DCLK1: variants seen among roughly 807,000 people sequenced by gnomAD.
DCLK1 encodes doublecortin like kinase 1, also known as serine/threonine-protein kinase DCLK1.
DCLK1 carries 16 observed loss-of-function variants against 86.2 expected under a neutral mutation model. The observed-to-expected ratio is 0.19, with a 90% CI of 0.13 to 0.28. The LOEUF (loss-of-function observed/expected upper bound fraction) is 0.28. DCLK1 is among the 10% of genes least tolerant of loss of function. The pLI is 1.00. For missense variants in DCLK1, 590 were observed against 940.2 expected, an observed-to-expected ratio of 0.63 and a Z score of 4.87; for synonymous variants, 369 against 370.5, an observed-to-expected ratio of 1.00 and a Z score of 0.05.
At chr13:35,899,056 T>TAA (rs1874182378) in intron 4 of DCLK1, among the ~76,000 whole-genome samples, 1 of 152,114 alleles carries the variant, frequency 6.6e-6, no homozygotes, top group African/African-American at 2.4e-5. Context: ...TTTGATTCCT[T>TAA]AAGTGATAAG....
chr13:35,958,139 C>CACCACT lies in DCLK1; in HGVS notation c.724-10683_724-10682insAGTGGT, dbSNP rs1593768047. Among the ~76,000 whole-genome samples the CACCACT allele has an allele frequency of 5.6e-5, 8 of 142,094 alleles. 1 individual carries two copies. The highest frequency in any genetic ancestry group is 2.3e-4 in the East Asian group (1 of 4,404). 93.2% of individuals were successfully genotyped at this position (142,094 alleles called of 152,430 possible). On this transcript the variant is annotated intron_variant, in intron 3 of 16. Transcript: ENST00000360631. The stretch of plus-strand genomic sequence containing the variant: ...CCACCACCACTACCACTACTATAAC[C>CACCACT]ACCACCACCACCACTATAACCATCA...
At chr13:36,105,021 CAATT>C (rs1339724523) in intron 3 of DCLK1, among the ~76,000 whole-genome samples, 1 of 152,074 alleles carries the variant, frequency 6.6e-6, no homozygotes, top group Non-Finnish European at 1.5e-5. Flanking sequence ...CATATTTTGT[CAATT>C]AATTATCACC....
intron 4 of DCLK1, among the ~76,000 whole-genome samples, chr13:35,945,991 A>C (rs58985284): frequency 0.073 from 11,119 of 152,168 alleles, 458 homozygotes; most frequent in African/African-American, 0.11. Flanking sequence ...AATTTTAAAA[A>C]TTCTTATCCC....
At chr13:35,847,021 C>T in intron 6 of DCLK1, 2 of 985,106 alleles carry the variant, frequency 2.0e-6, no homozygotes, top group Non-Finnish European at 1.2e-6. Context: ...GCAACTGTAT[C>T]AATGTTTCAT....
intron 3 of DCLK1, among the ~76,000 whole-genome samples, chr13:36,002,280 A>G (rs1458499925): frequency 2.0e-5 from 3 of 152,232 alleles, no homozygotes; most frequent in African/African-American, 7.2e-5. Context: ...CCACATTTTA[A>G]AAGTGTTCTG....
intron 4 of DCLK1, among the ~76,000 whole-genome samples, chr13:35,942,849 G>GC (rs1451330779): frequency 3.9e-5 from 6 of 152,186 alleles, no homozygotes; most frequent in African/African-American, 1.4e-4. Context: ...ATGAGGGGCA[G>GC]CCACAGCTCT....
At chr13:35,894,241 A>G (rs1186543025) in intron 4 of DCLK1, among the ~76,000 whole-genome samples, 1 of 152,156 alleles carries the variant, frequency 6.6e-6, no homozygotes, top group African/African-American at 2.4e-5. Flanking sequence ...GCATGACCTT[A>G]CTATTTAATG....
chr13:36,054,560 A>C (rs962066740), intron 3 of DCLK1, among the ~76,000 whole-genome samples: 2 of 152,118 alleles, frequency 1.3e-5, no homozygotes, highest in African/African-American at 4.8e-5. Flanking sequence ...AACCAACCAA[A>C]CAAACAGACA....
At chr13:35,947,203 A>C (rs1187765330) in intron 4 of DCLK1, among the ~76,000 whole-genome samples, 155 bp downstream of exon 4, 1 of 152,228 alleles carries the variant, frequency 6.6e-6, no homozygotes, top group East Asian at 1.9e-4. Context: ...ATTTAAAAAA[A>C]AAATCAAAGA....
chr13:35,867,949 G>GAAAGAAAGAAAGAAAGAAAGAAA lies in DCLK1; in HGVS notation c.940+3274_940+3275insTTTCTTTCTTTCTTTCTTTCTTT, dbSNP rs1478938539. Among the ~76,000 whole-genome samples, 979 of 140,736 alleles carry GAAAGAAAGAAAGAAAGAAAGAAA rather than the reference G, an allele frequency of 7.0e-3. 21 individuals are homozygous for GAAAGAAAGAAAGAAAGAAAGAAA. Among genetic ancestry groups the GAAAGAAAGAAAGAAAGAAAGAAA allele is most frequent in the African/African-American group, 0.025 (930 of 37,298 alleles). 92.3% of individuals were successfully genotyped at this position (140,736 alleles called of 152,430 possible). A position where few individuals can be genotyped will look rare whatever the true frequency, so the allele number is the denominator to read the frequency against. ...AGAAAGAAAGAAAGAAAGAAAGAAA[G>GAAAGAAAGAAAGAAAGAAAGAAA]AAAGAAAGAAAGAAAGAGAAAAAGA... On this transcript the variant is annotated intron_variant, in intron 5 of 16. Transcript: ENST00000360631.
intron 3 of DCLK1, among the ~76,000 whole-genome samples, chr13:36,076,082 A>T (rs973982329): frequency 2.6e-5 from 4 of 152,166 alleles, no homozygotes; most frequent in Non-Finnish European, 4.4e-5. Context: ...TGCATTTCTT[A>T]TTCTCATCAT....
At chr13:35,780,031 T>C (rs1439329688) in intron 16 of DCLK1, among the ~76,000 whole-genome samples, 1 of 152,044 alleles carries the variant, frequency 6.6e-6, no homozygotes, top group Non-Finnish European at 1.5e-5. Context: ...TCTGAAATCC[T>C]GCATCACAAC....
chr13:35,849,145 G>A (rs1870424294), intron 6 of DCLK1: 5 of 985,274 alleles, frequency 5.1e-6, no homozygotes, highest in Non-Finnish European at 6.0e-6. Flanking sequence ...TAGATTGCCT[G>A]GACGTTTTTT....
intron 4 of DCLK1, among the ~76,000 whole-genome samples, chr13:35,894,327 G>T (rs1394907994): frequency 6.6e-6 from 1 of 152,120 alleles, no homozygotes; most frequent in Non-Finnish European, 1.5e-5. Flanking sequence ...TTTATCCAGG[G>T]GCACACAGCT....
intron 3 of DCLK1, among the ~76,000 whole-genome samples, chr13:36,063,781 C>A (rs1883643690): frequency 6.6e-6 from 1 of 152,108 alleles, no homozygotes; most frequent in South Asian, 2.1e-4. Context: ...GGAATTCAAC[C>A]TCCTTAAAAT....
intron 2 of DCLK1, among the ~76,000 whole-genome samples, 191 bp downstream of exon 2, chr13:36,125,571 A>T (rs1886141607): frequency 6.6e-6 from 1 of 152,232 alleles, no homozygotes; most frequent in Admixed American, 6.5e-5. Flanking sequence ...ATTATAAGCT[A>T]CCTGACAATA....
At chr13:36,051,027 G>T (rs1883104878) in intron 3 of DCLK1, among the ~76,000 whole-genome samples, 1 of 152,128 alleles carries the variant, frequency 6.6e-6, no homozygotes, top group African/African-American at 2.4e-5. Context: ...TGCTACAGAG[G>T]CTAAAACACA....
chr13:36,101,117 C>A (rs1885202669), intron 3 of DCLK1, among the ~76,000 whole-genome samples: 1 of 152,234 alleles, frequency 6.6e-6, no homozygotes, highest in South Asian at 2.1e-4. Context: ...CAGAAGACAC[C>A]CGGAAGCAGC....
chr13:35,924,429 C>T (rs1039950886), intron 4 of DCLK1, among the ~76,000 whole-genome samples: 4 of 152,068 alleles, frequency 2.6e-5, no homozygotes, highest in Non-Finnish European at 1.5e-5. Flanking sequence ...GCAGGCAGAT[C>T]GCCTGAAGTC....
Sources: gnomAD v4.1 joint callset for allele counts (sites outside exome capture counted in the v4.1 genomes callset) on GRCh38, gnomAD v4.1.1 for gene constraint, MANE v1.5 for transcripts, NCBI Gene and HGNC (gene_info 2026-07-23, HGNC 2026-07-21) for gene names.